TIA1: variants seen among roughly 807,000 people sequenced by gnomAD.
The protein encoded by TIA1 is cytotoxic granule associated RNA binding protein TIA1.
TIA1 carries 23 observed loss-of-function variants against 65.9 expected under a neutral mutation model. That is an observed-to-expected ratio of 0.35 (90% confidence interval 0.25 to 0.49). The LOEUF (loss-of-function observed/expected upper bound fraction) is 0.49, where lower values mean the gene tolerates loss of function less well. Ranked by LOEUF, TIA1 falls within the 20% of genes least tolerant of loss-of-function variation. TIA1 has a pLI of 0.98. For synonymous variants in TIA1, 147 were observed against 149.4 expected, an observed-to-expected ratio of 0.98 and a Z score of 0.12; for missense variants, 371 against 477.9, an observed-to-expected ratio of 0.78 and a Z score of 2.09.
intron 1 of TIA1, among the ~76,000 whole-genome samples, chr2:70,236,622 AT>A (rs1689089815): frequency 6.6e-6 from 1 of 151,650 alleles, no homozygotes; most frequent in East Asian, 1.9e-4. Context: ...ACCCAGCTCA[AT>A]TTACCTCAAT....
Position 70,214,489 on chromosome 2 carries a change from A to G in TIA1, c.894T>C (p.Asn298=). ...CATAAGGTTGGGGATATCCAATTTGATTCTGCTATTAAATAAAATTTAGTA... is the reference window on the plus strand; with the variant it reads ...CATAAGGTTGGGGATATCCAATTTGGTTCTGCTATTAAATAAAATTTAGTA... ...LDMINPVQQQ[N]QIGYPQPYGQ... The change falls in exon 12 of 13, where the codon AAT becomes AAC. Residue 298 remains asparagine (N), a synonymous_variant. Coordinates refer to ENST00000433529, the MANE Select transcript of TIA1 (RefSeq NM_022173.4). The G allele has an allele frequency of 6.2e-7, 1 of 1,608,878 alleles. No homozygotes were observed. The highest frequency in any genetic ancestry group is 8.5e-7 in the Non-Finnish European group (1 of 1,178,338).
Position 70,236,241 on chromosome 2 carries a change from C to T in TIA1, c.27-66G>A. 4 of 1,077,252 alleles carry T rather than the reference C, an allele frequency of 3.7e-6. No individual in the cohort carries two copies. The South Asian group carries it at 5.3e-5, about 14-fold the overall frequency. 66.7% of individuals were successfully genotyped at this position (1,077,252 alleles called of 1,614,324 possible). A position where few individuals can be genotyped will look rare whatever the true frequency, so the allele number is the denominator to read the frequency against. On this transcript the variant is annotated intron_variant, in intron 1 of 12. Transcript: ENST00000433529. ...GAGACAGAGTTTCACTCTTGTTGCC[C>T]AGGATAGAGTGCAATGGCACGATCT...
intron 7 of TIA1, among the ~76,000 whole-genome samples, chr2:70,222,900 C>T (rs576855994): frequency 9.3e-4 from 142 of 152,096 alleles, no homozygotes; most frequent in African/African-American, 3.2e-3. Context: ...GGCAACAGAG[C>T]GAAACTCCGT....
chr2:70,216,012 A>C, intron 10 of TIA1, 196 bp downstream of exon 10: 1 of 545,218 alleles, frequency 1.8e-6, no homozygotes, highest in Non-Finnish European at 3.1e-6. Flanking sequence ...TCGGCCTCCC[A>C]AAGTGCTGGG....
At chr2:70,238,218 T>C (rs1215844208) in intron 1 of TIA1, among the ~76,000 whole-genome samples, 1 of 150,956 alleles carries the variant, frequency 6.6e-6, no homozygotes, top group Non-Finnish European at 1.5e-5. Flanking sequence ...TATTTCTACT[T>C]CTATGGTATT....
intron 12 of TIA1, among the ~76,000 whole-genome samples, chr2:70,213,371 TTTCA>T (rs1677143405): frequency 6.6e-6 from 1 of 151,574 alleles, no homozygotes; most frequent in African/African-American, 2.4e-5. Context: ...TAAGACAGGT[TTTCA>T]TTGTGTCACC....
chr2:70,224,151 C>CA (rs1315081481), intron 7 of TIA1, among the ~76,000 whole-genome samples: 5 of 151,708 alleles, frequency 3.3e-5, no homozygotes, highest in African/African-American at 1.2e-4. Context: ...GTCCTGACCT[C>CA]AGGTGATCCA....
chr2:70,213,869 C>T (rs560134803), intron 12 of TIA1, among the ~76,000 whole-genome samples: 3 of 152,266 alleles, frequency 2.0e-5, no homozygotes, highest in African/African-American at 4.8e-5. Context: ...CCAGGCTGGT[C>T]GCAAACTCCT....
intron 2 of TIA1, among the ~76,000 whole-genome samples, chr2:70,233,495 G>T (rs1324956450): frequency 2.0e-5 from 3 of 152,190 alleles, no homozygotes; most frequent in Non-Finnish European, 4.4e-5. Flanking sequence ...GCGGCTGGCT[G>T]TGGTGGCTCA....
chr2:70,212,923 A>C, intron 12 of TIA1, 78 bp from the exon 13 acceptor site: 1 of 907,088 alleles, frequency 1.1e-6, no homozygotes, highest in Admixed American at 1.8e-5. Flanking sequence ...AACAAACAAC[A>C]AGAACAAATA....
chr2:70,229,187 A>G (rs546703958), intron 4 of TIA1, 77 bp downstream of exon 4: 2 of 1,584,484 alleles, frequency 1.3e-6, no homozygotes, highest in South Asian at 2.2e-5. Flanking sequence ...GCAAACATGT[A>G]TGATGTTTAT....
intron 3 of TIA1, among the ~76,000 whole-genome samples, chr2:70,229,905 TC>T: frequency 6.7e-6 from 1 of 150,158 alleles, no homozygotes; most frequent in East Asian, 2.0e-4. Flanking sequence ...GCCACTGCAC[TC>T]CAGCCTGGGT....
At chr2:70,224,472 G>GA (rs145295756) in intron 7 of TIA1, 82 bp downstream of exon 7, 1 of 1,578,010 alleles carries the variant, frequency 6.3e-7, no homozygotes, top group African/African-American at 1.4e-5. Flanking sequence ...AACAGCAGAC[G>GA]AAAAAAAGAT....
upstream of TIA1, chr2:70,248,666 G>T (rs1695630193): frequency 1.7e-6 from 1 of 593,718 alleles, no homozygotes; most frequent in South Asian, 2.1e-5. Context: ...AAGTTACCCG[G>T]GCCGCGCAGG....
intron 1 of TIA1, among the ~76,000 whole-genome samples, chr2:70,246,016 C>T (rs1370021794): frequency 2.6e-5 from 4 of 151,336 alleles, no homozygotes; most frequent in East Asian, 1.9e-4. Flanking sequence ...CTCCACCTCC[C>T]GGGTTCAAGC....
At chr2:70,228,192 C>T (rs971073086) in intron 5 of TIA1, among the ~76,000 whole-genome samples, 21 of 152,084 alleles carry the variant, frequency 1.4e-4, no homozygotes, top group African/African-American at 5.1e-4. Flanking sequence ...ATTCAGTTTA[C>T]CACTATATTA....
chr2:70,224,449 C>A (rs1682933032), intron 7 of TIA1, 105 bp downstream of exon 7: 2 of 1,471,622 alleles, frequency 1.4e-6, no homozygotes, highest in Admixed American at 2.0e-5. Flanking sequence ...TTATTTTAAT[C>A]ATCAGTAAAA....
intron 1 of TIA1, among the ~76,000 whole-genome samples, chr2:70,247,338 C>T (rs978824130): frequency 6.6e-6 from 1 of 152,058 alleles, no homozygotes; most frequent in African/African-American, 2.4e-5. Flanking sequence ...GGTAAAAAAA[C>T]AATTACATCG....
chr2:70,222,185 A>C (rs1002655471), intron 7 of TIA1, among the ~76,000 whole-genome samples: 1 of 152,190 alleles, frequency 6.6e-6, no homozygotes, highest in African/African-American at 2.4e-5. Context: ...GCATAGGCTC[A>C]AAGTCCTTGA....
Sources: gnomAD v4.1 joint callset for allele counts (sites outside exome capture counted in the v4.1 genomes callset) on GRCh38, gnomAD v4.1.1 for gene constraint, MANE v1.5 for transcripts, NCBI Gene and HGNC (gene_info 2026-07-23, HGNC 2026-07-21) for gene names.